The following ZNF804A variants were observed in gnomAD, a reference collection of about 807,000 sequenced individuals.
ZNF804A encodes the protein zinc finger protein 804A.
ZNF804A carries 2 observed loss-of-function variants against 16.5 expected under a neutral mutation model. The observed-to-expected ratio is 0.12, with a 90% CI of 0.05 to 0.38. The LOEUF is 0.38. ZNF804A is among the 10% of genes least tolerant of loss of function. The pLI is 0.99. For synonymous variants in ZNF804A, 534 were observed against 489.6 expected (o/e 1.09, Z -1.20); for missense variants, 1,473 against 1,390.7 (o/e 1.06, Z -0.94).
chr2:184,754,173 C>G (rs1409710834), intron 1 of ZNF804A, among the ~76,000 whole-genome samples: 1 of 151,786 alleles, frequency 6.6e-6, no homozygotes, highest in African/African-American at 2.4e-5. Flanking sequence ...CACAGCTTAC[C>G]TCAATAAAGT....
chr2:184,788,128 T>C (rs1265546952), intron 1 of ZNF804A, among the ~76,000 whole-genome samples: 1 of 152,076 alleles, frequency 6.6e-6, no homozygotes, highest in Non-Finnish European at 1.5e-5. Context: ...TTGTCAAACT[T>C]ATCCAAGATC....
At chr2:184,724,889 A>G (rs1469400201) in intron 1 of ZNF804A, among the ~76,000 whole-genome samples, 2 of 151,772 alleles carry the variant, frequency 1.3e-5, no homozygotes, top group Non-Finnish European at 3.0e-5. Context: ...AGTTAGAGAG[A>G]TGAAATAATG....
intron 1 of ZNF804A, among the ~76,000 whole-genome samples, chr2:184,793,422 C>T (rs1694583672): frequency 6.6e-6 from 1 of 152,112 alleles, no homozygotes; most frequent in African/African-American, 2.4e-5. Flanking sequence ...TCCTCTGCAA[C>T]CTCTCCAGCA....
chr2:184,631,700 T>A, intron 1 of ZNF804A, among the ~76,000 whole-genome samples: 1 of 152,222 alleles, frequency 6.6e-6, no homozygotes, highest in East Asian at 1.9e-4. Flanking sequence ...TGGTAAACAA[T>A]CTCTTTGTTA....
intron 1 of ZNF804A, among the ~76,000 whole-genome samples, chr2:184,769,267 A>G (rs1260633446): frequency 1.3e-5 from 2 of 152,084 alleles, no homozygotes; most frequent in African/African-American, 4.8e-5. Context: ...CAGGCTTGCA[A>G]AATGTAAGTT....
intron 1 of ZNF804A, among the ~76,000 whole-genome samples, chr2:184,822,680 A>C (rs953699071): frequency 1.3e-5 from 2 of 152,106 alleles, no homozygotes; most frequent in Non-Finnish European, 2.9e-5. Context: ...GGTAGGATAG[A>C]ACTTTGGGTG....
chr2:184,638,585 A>G (rs986045780), intron 1 of ZNF804A, among the ~76,000 whole-genome samples: 4 of 152,216 alleles, frequency 2.6e-5, no homozygotes, highest in African/African-American at 4.8e-5. Flanking sequence ...ACATTTACAT[A>G]ATTAGTGAGT....
chr2:184,810,789 C>T (rs1234238101), intron 1 of ZNF804A, among the ~76,000 whole-genome samples: 1 of 151,806 alleles, frequency 6.6e-6, no homozygotes, highest in African/African-American at 2.4e-5. Flanking sequence ...CGCGCCTGGC[C>T]GAAACATTTT....
chr2:184,871,399 A>C (rs1695971791), intron 2 of ZNF804A, among the ~76,000 whole-genome samples: 1 of 148,726 alleles, frequency 6.7e-6, no homozygotes, highest in African/African-American at 2.5e-5. Context: ...TGACTGAAAC[A>C]TAGAAATTAC....
At chr2:184,801,163 GT>G (rs1486744086) in intron 1 of ZNF804A, among the ~76,000 whole-genome samples, 1 of 152,046 alleles carries the variant, frequency 6.6e-6, no homozygotes, top group Non-Finnish European at 1.5e-5. Flanking sequence ...CCTAATTTCT[GT>G]TGACAATTGT....
intron 1 of ZNF804A, among the ~76,000 whole-genome samples, chr2:184,791,320 G>A (rs1005694044): frequency 1.3e-5 from 2 of 151,960 alleles, no homozygotes; most frequent in African/African-American, 4.8e-5. Context: ...TTTCATTTCC[G>A]TATTTGAAAA....
rs1339682211 is a variant in ZNF804A, at chr2:184,937,405, A to G, written c.2009A>G (p.Asn670Ser). 14 of 1,612,868 alleles carry G rather than the reference A, an allele frequency of 8.7e-6. No individual in the cohort carries two copies. The highest frequency in any genetic ancestry group is 1.2e-5 in the Non-Finnish European group (14 of 1,179,586). ...TCAGAATCCATATCCTTAAGTGACAATGAAGAAATGTGTAAAACATGGAAT... is the reference window on the plus strand; with the variant it reads ...TCAGAATCCATATCCTTAAGTGACAGTGAAGAAATGTGTAAAACATGGAAT... The part of the protein sequence containing the change: ...PKSESISLSD[N>S]EEMCKTWNTE... The change falls in exon 4 of 4, where the codon AAT becomes AGT. Residue 670 changes from asparagine (N) to serine (S), a missense_variant. Asn to Ser is a conservative substitution (Grantham distance 46). Transcript: ENST00000302277.
intron 1 of ZNF804A, among the ~76,000 whole-genome samples, chr2:184,732,112 C>G (rs1239378698): frequency 6.6e-6 from 1 of 151,964 alleles, no homozygotes; most frequent in Admixed American, 6.6e-5. Context: ...GTGTTATGTC[C>G]AAAAATATCT....
intron 1 of ZNF804A, among the ~76,000 whole-genome samples, chr2:184,667,856 G>A (rs1006377554): frequency 2.6e-5 from 4 of 151,706 alleles, no homozygotes; most frequent in Admixed American, 6.6e-5. Flanking sequence ...ATCATATAAT[G>A]TATCTAACCA....
At chr2:184,757,118 C>T (rs1693970730) in intron 1 of ZNF804A, among the ~76,000 whole-genome samples, 1 of 151,936 alleles carries the variant, frequency 6.6e-6, no homozygotes, top group Non-Finnish European at 1.5e-5. Flanking sequence ...TTTCAGTTTC[C>T]AGAGCTGTAG....
At chr2:184,799,599 TGTA>T (rs1233368050) in intron 1 of ZNF804A, among the ~76,000 whole-genome samples, 7 of 152,182 alleles carry the variant, frequency 4.6e-5, no homozygotes, top group Non-Finnish European at 5.9e-5. Context: ...CACAGCTCAC[TGTA>T]ACCTCCACCT....
intron 1 of ZNF804A, among the ~76,000 whole-genome samples, chr2:184,638,588 T>C (rs1279862998): frequency 2.6e-5 from 4 of 152,218 alleles, no homozygotes. Flanking sequence ...TTTACATAAT[T>C]AGTGAGTATA....
In ZNF804A at chr2:184,937,090, A is replaced by G. The variant is rs768563916; in HGVS notation, c.1694A>G (p.Lys565Arg). ...IRETEKYNFT[K>R]SQIKQDTLDE... Reference sequence around the variant, plus strand: ...GAAACAGAAAAGTATAATTTTACTAAAAGTCAAATAAAACAGGACACTCTA... The same window carrying G: ...GAAACAGAAAAGTATAATTTTACTAGAAGTCAAATAAAACAGGACACTCTA... The change falls in exon 4 of 4, where the codon AAA becomes AGA. Residue 565 changes from lysine (K) to arginine (R), a missense_variant. By Grantham distance (26) the Lys-to-Arg change is conservative. Transcript: ENST00000302277. The G allele has an allele frequency of 6.2e-6, 10 of 1,604,880 alleles. No individual in the cohort carries two copies. The highest frequency in any genetic ancestry group is 1.7e-4 in the Middle Eastern group (1 of 6,002).
intron 1 of ZNF804A, among the ~76,000 whole-genome samples, chr2:184,710,176 T>C (rs1156283518): frequency 6.6e-6 from 1 of 151,130 alleles, no homozygotes; most frequent in African/African-American, 2.4e-5. Flanking sequence ...CACAGTAAAC[T>C]GTACATATGT....
Sources: allele counts gnomAD v4.1 joint callset (sites outside exome capture counted in the v4.1 genomes callset), GRCh38; gene constraint gnomAD v4.1.1; transcripts MANE v1.5; gene names NCBI Gene and HGNC (gene_info 2026-07-23, HGNC 2026-07-21).